The following CHFR variants were observed in gnomAD, a reference collection of about 807,000 sequenced individuals.
CHFR encodes the protein E3 ubiquitin-protein ligase CHFR.
CHFR carries 57 observed loss-of-function variants against 87.6 expected under a neutral mutation model. The ratio of observed to expected loss-of-function variants is 0.65; its 90% CI spans 0.53 to 0.81. CHFR has a LOEUF of 0.81. CHFR is among the 30% of genes least tolerant of loss of function. CHFR has a pLI of 0.00. For synonymous variants in CHFR, 381 were observed against 359.2 expected (o/e 1.06, Z -0.69); for missense variants, 797 against 865.8 (o/e 0.92, Z 1.00).
chr12:132,857,296 C>T lies in CHFR; in HGVS notation c.1066+109G>A, dbSNP rs543261903. ...ACGTGCCCGGGTGCTGGTGGAGGGA[C>T]AGCCCTCACGTGCCCGGGTGCTGCT... On this transcript the variant is annotated intron_variant, in intron 9 of 17. Transcript: ENST00000450056. 2.4e-4 allele frequency: 273 copies of T among 1,134,470 alleles called. 4 individuals carry two copies. In the South Asian group the frequency reaches 2.9e-3, roughly 12 times the overall value. The allele number at this position is 1,134,470 out of a possible 1,614,324, so 70.3% of individuals were successfully genotyped here. A position where few individuals can be genotyped will look rare whatever the true frequency, so the allele number is the denominator to read the frequency against.
chr12:132,887,410 C>A, intron 1 of CHFR, 70 bp from the exon 2 acceptor site: 16 of 1,140,178 alleles, frequency 1.4e-5, no homozygotes, highest in Admixed American at 4.7e-5. Flanking sequence ...CCCGCCCCAC[C>A]CCGCGGGCCC....
intron 12 of CHFR, among the ~76,000 whole-genome samples, chr12:132,850,995 A>G (rs1002751151): frequency 9.1e-6 from 1 of 110,398 alleles, no homozygotes; most frequent in Admixed American, 9.7e-5. Flanking sequence ...ATATATATAT[A>G]TATGTTTTGT....
At position 132,877,628 on chromosome 12, in the gene CHFR, T is replaced by G. The variant is rs540426488; in HGVS notation, c.160A>C (p.Lys54Gln). 6.2e-7 allele frequency: 1 copy of G among 1,613,418 alleles called. No individual in the cohort carries two copies. The highest frequency in any genetic ancestry group is 2.2e-5 in the East Asian group (1 of 44,876). Residue 54 changes from lysine (K) to glutamine (Q), a missense_variant, in exon 3 of 18, where the codon AAA becomes CAA. By Grantham distance (53) the Lys-to-Gln change is moderately conservative. Around this residue, in one of 2 missense-constraint regions of CHFR, gnomAD observed 597 missense variants for 601.2 expected, o/e 0.99. Coordinates refer to ENST00000450056, the MANE Select transcript of CHFR (RefSeq NM_001161346.2). ...RGCDLSFPSN[K>Q]LVSGDHCRIV... Reference sequence around the variant, plus strand: ...CTACAGTGATCTCCAGAGACCAGTTTATTGCTGGGGAAGGAAAGGTCGCAA... The same window carrying G: ...CTACAGTGATCTCCAGAGACCAGTTGATTGCTGGGGAAGGAAAGGTCGCAA...
At chr12:132,860,427 T>C (rs1209348682) in intron 7 of CHFR, among the ~76,000 whole-genome samples, 3 of 152,192 alleles carry the variant, frequency 2.0e-5, no homozygotes, top group African/African-American at 7.2e-5. Flanking sequence ...AGAATTAAAA[T>C]TTCCTCATTC....
Position 132,851,600 on chromosome 12 carries a change from G to A in CHFR, c.1492+18C>T, listed in dbSNP as rs560981225. On this transcript the variant is annotated intron_variant, in intron 12 of 17. Coordinates refer to ENST00000450056, the MANE Select transcript of CHFR (RefSeq NM_001161346.2). ...GACAGATAGGAACCCGCCTGCGTGC[G>A]GTGGCGCGGGCACTCACACTGCTGA... 33 of 1,597,378 alleles carry A rather than the reference G, an allele frequency of 2.1e-5. No homozygotes were observed. The highest frequency in any genetic ancestry group is 1.7e-4 in the Middle Eastern group (1 of 6,022).
chr12:132,857,770 A>T (rs1951115381), intron 8 of CHFR, among the ~76,000 whole-genome samples: 1 of 152,194 alleles, frequency 6.6e-6, no homozygotes, highest in South Asian at 2.1e-4. Context: ...CGAGTAGATT[A>T]TGACTTCAGG....
chr12:132,845,169 A>AT (rs2136921807), intron 15 of CHFR, among the ~76,000 whole-genome samples: 1 of 152,098 alleles, frequency 6.6e-6, no homozygotes, highest in African/African-American at 2.4e-5. Flanking sequence ...ATTAACAAAG[A>AT]TATCGGCCAG....
chr12:132,846,135 C>T (rs1196263744), intron 15 of CHFR, among the ~76,000 whole-genome samples: 1 of 152,100 alleles, frequency 6.6e-6, no homozygotes, highest in East Asian at 1.9e-4. Context: ...ATGATGGTCT[C>T]AAGCAGTAAC....
At position 132,887,293 on chromosome 12, in the gene CHFR, C is replaced by A; in HGVS notation, c.36G>T (p.Pro12=). The A allele has an allele frequency of 1.3e-6, 2 of 1,483,762 alleles. No homozygotes were observed. The highest frequency in any genetic ancestry group is 1.8e-6 in the Non-Finnish European group (2 of 1,124,472). 91.9% of individuals were successfully genotyped at this position (1,483,762 alleles called of 1,614,324 possible). The change falls in exon 2 of 18, where the codon CCG becomes CCT. Residue 12 remains proline (P), a synonymous_variant. Transcript: ENST00000450056. ...ERPEEGKQSP[P]PQPWGRLLRL... ...GCAGGAGCCGTCCCCAGGGCTGCGGCGGCGGCGACTGCTTGCCTTCCTCGG... is the reference window on the plus strand; with the variant it reads ...GCAGGAGCCGTCCCCAGGGCTGCGGAGGCGGCGACTGCTTGCCTTCCTCGG...
chr12:132,843,956 A>G, intron 16 of CHFR, 71 bp downstream of exon 16: 1 of 967,998 alleles, frequency 1.0e-6, no homozygotes, highest in Non-Finnish European at 1.6e-6. Flanking sequence ...TCAAAAAAAA[A>G]AAAGAGAGGC....
At chr12:132,857,702 G>T in intron 8 of CHFR, 143 bp from the exon 9 acceptor site, 1 of 748,518 alleles carries the variant, frequency 1.3e-6, no homozygotes, top group Non-Finnish European at 2.1e-6. Flanking sequence ...AGTCAGTCTT[G>T]GTTAATGAAA....
chr12:132,852,791 C>A (rs1950976452), intron 11 of CHFR, among the ~76,000 whole-genome samples: 1 of 152,236 alleles, frequency 6.6e-6, no homozygotes, highest in Admixed American at 6.5e-5. Flanking sequence ...TGTGGCTCTA[C>A]ATCCATCCCA....
rs1250667031 is a variant in CHFR, at chr12:132,853,578, A to G, written c.1230-5T>C. The stretch of plus-strand genomic sequence containing the variant: ...CGGCACACGACGTATGGCTGGCTGC[A>G]AGGAAGCACAGGGCCGAGCTGTGTG... On this transcript the variant is annotated splice_region_variant and splice_polypyrimidine_tract_variant and intron_variant, in intron 10 of 17. Transcript: ENST00000450056. The G allele has an allele frequency of 3.3e-6, 5 of 1,527,462 alleles. No homozygotes were observed. The highest frequency in any genetic ancestry group is 3.5e-6 in the Non-Finnish European group (4 of 1,140,820). 94.6% of individuals were successfully genotyped at this position (1,527,462 alleles called of 1,614,324 possible).
At chr12:132,885,346 G>A (rs976196956) in intron 2 of CHFR, among the ~76,000 whole-genome samples, 9 of 145,764 alleles carry the variant, frequency 6.2e-5, no homozygotes, top group Admixed American at 1.4e-4. Flanking sequence ...GGGAGGTGGA[G>A]CTTGCAGTGG....
At chr12:132,853,634 G>A in intron 10 of CHFR, 61 bp from the exon 11 acceptor site, 2 of 1,470,030 alleles carry the variant, frequency 1.4e-6, no homozygotes, top group Non-Finnish European at 1.8e-6. Context: ...TAGGGCCGGT[G>A]CAACGCGGGT....
intron 5 of CHFR, among the ~76,000 whole-genome samples, chr12:132,870,125 G>T (rs1951451429): frequency 6.6e-6 from 1 of 152,048 alleles, no homozygotes. Context: ...GGCTGAGGCG[G>T]GTAGATCACG....
chr12:132,873,979 C>A (rs1021686927), intron 3 of CHFR, among the ~76,000 whole-genome samples: 2 of 152,194 alleles, frequency 1.3e-5, no homozygotes, highest in South Asian at 2.1e-4. Flanking sequence ...TGCTCAGGGG[C>A]CCCTACACAC....
chr12:132,848,538 C>A, intron 13 of CHFR, 103 bp downstream of exon 13: 1 of 865,012 alleles, frequency 1.2e-6, no homozygotes, highest in Non-Finnish European at 1.9e-6. Flanking sequence ...GTGGCCTCAT[C>A]CCTATAAACA....
intron 6 of CHFR, among the ~76,000 whole-genome samples, chr12:132,864,802 T>C (rs1287048163): frequency 6.6e-6 from 1 of 152,238 alleles, no homozygotes; most frequent in Non-Finnish European, 1.5e-5. Context: ...GAATTTTTTT[T>C]TTAATTACAT....
Sources: gnomAD v4.1 joint callset for allele counts (sites outside exome capture counted in the v4.1 genomes callset) on GRCh38, gnomAD v4.1.1 for gene constraint, gnomAD v4.1.1 regional missense constraint, MANE v1.5 for transcripts, NCBI Gene and HGNC (gene_info 2026-07-23, HGNC 2026-07-21) for gene names.